The following RPGR variants were observed in gnomAD, a reference collection of about 807,000 sequenced individuals.
The protein encoded by RPGR is X-linked retinitis pigmentosa GTPase regulator.
A neutral mutation model predicts 56.3 loss-of-function variants in RPGR; 10 were observed. The ratio of observed to expected loss-of-function variants is 0.18; its 90% CI spans 0.11 to 0.30. The LOEUF is 0.30. Among genes scored for constraint, RPGR ranks in the 10% least tolerant of loss-of-function variants. The pLI is 1.00. For missense variants in RPGR, 538 were observed against 590.9 expected (o/e 0.91, Z 0.93); for synonymous variants, 197 against 212.9 (o/e 0.93, Z 0.65).
chrX:38,306,492 T>C (rs1213577724), intron 7 of RPGR, among the ~76,000 whole-genome samples: 1 of 112,435 alleles, frequency 8.9e-6, no homozygotes, highest in Non-Finnish European at 1.9e-5. Flanking sequence ...AATGTTTGCT[T>C]CATAAATAAG....
intron 8 of RPGR, chrX:38,303,874 T>C: frequency 3.4e-6 from 1 of 294,980 alleles, no homozygotes; most frequent in Non-Finnish European, 5.9e-6. Flanking sequence ...GTCAATACAC[T>C]AGATGATTTC....
rs1269822165 is a variant in RPGR at position 38,269,635 on chromosome X, T to C, written c.2439A>G (p.Thr813=). 2 of 1,169,544 alleles carry C rather than the reference T, an allele frequency of 1.7e-6. No individual in the cohort carries two copies. The highest frequency in any genetic ancestry group is 3.0e-5 in the East Asian group (1 of 33,626). The change falls in exon 19 of 19, where the codon ACA becomes ACG. Residue 813 remains threonine (T), a synonymous_variant. Coordinates refer to ENST00000642395, the MANE Select transcript of RPGR (RefSeq NM_000328.3). The stretch of plus-strand genomic sequence containing the variant: ...AAACATAAATATATATTTATAGTAT[T>C]GTACAGGATTTTGATCTTCTCTCTG...
intron 11 of RPGR, among the ~76,000 whole-genome samples, chrX:38,296,333 C>T (rs1448276985): frequency 2.7e-5 from 3 of 110,970 alleles, no homozygotes; most frequent in African/African-American, 9.8e-5. Flanking sequence ...AAATTATTTG[C>T]CATTTACTTT....
At chrX:38,296,942 A>G (rs751092154) in intron 11 of RPGR, among the ~76,000 whole-genome samples, 1 of 112,201 alleles carries the variant, frequency 8.9e-6, no homozygotes, top group Non-Finnish European at 1.9e-5. Flanking sequence ...TGATCTCTTC[A>G]AGCCTTGCTT....
At chrX:38,284,923 C>A in intron 15 of RPGR, 4 of 752,829 alleles carry the variant, frequency 5.3e-6, no homozygotes, top group Non-Finnish European at 6.3e-6. Flanking sequence ...CAGATAGTAA[C>A]TAAAAGAGAT....
intron 15 of RPGR, among the ~76,000 whole-genome samples, chrX:38,283,209 C>T (rs952834484): frequency 1.8e-5 from 2 of 111,648 alleles, no homozygotes; most frequent in African/African-American, 6.5e-5. Flanking sequence ...AGACCTGCCA[C>T]ATGTGATTAA....
chrX:38,307,894 T>C (rs1236027960), intron 7 of RPGR, among the ~76,000 whole-genome samples: 1 of 112,058 alleles, frequency 8.9e-6, no homozygotes, highest in Non-Finnish European at 1.9e-5. Flanking sequence ...ATGTTCCTTA[T>C]TTTATGATAT....
chrX:38,272,595 A>AC lies in RPGR; in HGVS notation c.2241+790_2241+791insG, dbSNP rs1167204343. 4.0e-4 allele frequency: 44 copies of AC among 110,830 alleles called. No homozygotes were observed. The Middle Eastern group carries it at 0.014, about 35-fold the overall frequency. The allele number at this position is 110,830 out of a possible 1,213,427, so 9.1% of individuals were successfully genotyped here. A position where few individuals can be genotyped will look rare whatever the true frequency, so the allele number is the denominator to read the frequency against. On this transcript the variant is annotated intron_variant, in intron 18 of 18. Transcript: ENST00000642395. ...CAACAAGAGCGAAACTCCATCTCAA[A>AC]AAAAAAAAAAAATCCATACTTAAGC...
intron 15 of RPGR, among the ~76,000 whole-genome samples, chrX:38,283,758 G>A (rs1312465826): frequency 2.7e-5 from 3 of 112,087 alleles, no homozygotes; most frequent in Admixed American, 9.5e-5. Flanking sequence ...CTCTTCAGTA[G>A]AAGATGAATG....
chrX:38,287,152 T>C lies in RPGR; in HGVS notation c.1847A>G (p.His616Arg), dbSNP rs184789544. The change falls in exon 15 of 19, where the codon CAT (histidine) becomes CGT (arginine). Residue 616 changes from histidine (H) to arginine (R), a missense_variant. Physicochemically the swap from His to Arg is conservative, Grantham distance 29. Coordinates refer to ENST00000642395, the MANE Select transcript of RPGR (RefSeq NM_000328.3). The stretch of plus-strand genomic sequence containing the variant: ...CTCTGTTTTCTCCTTTCTTCCTCCA[T>C]GCACCTTCACATTTTCCTCATTTGC... 3.3e-6 allele frequency: 4 copies of C among 1,209,216 alleles called. No homozygotes were observed. Among genetic ancestry groups the C allele is most frequent in the African/African-American group, 1.8e-5 (1 of 57,016 alleles).
At chrX:38,313,105 A>G (rs1202943785) in intron 6 of RPGR, among the ~76,000 whole-genome samples, 1 of 110,431 alleles carries the variant, frequency 9.1e-6, no homozygotes, top group East Asian at 2.8e-4. Flanking sequence ...ATCTCTGCAC[A>G]TGTTTTTGTC....
intron 16 of RPGR, chrX:38,275,245 G>GAAC: frequency 4.7e-6 from 3 of 640,485 alleles, no homozygotes; most frequent in Non-Finnish European, 7.6e-6. Flanking sequence ...TCTGCCTCTA[G>GAAC]CTAATGACAT....
chrX:38,295,319 C>T (rs1312604398), intron 11 of RPGR, among the ~76,000 whole-genome samples: 1 of 111,995 alleles, frequency 8.9e-6, no homozygotes, highest in African/African-American at 3.2e-5. Flanking sequence ...GATCCACTTT[C>T]CTCCATTATA....
rs2067220179 is a variant in RPGR at position 38,288,020 on chromosome X, G to A, written c.1594C>T (p.Leu532=). 2 of 1,209,315 alleles carry A rather than the reference G, an allele frequency of 1.7e-6. No homozygotes were observed. Among genetic ancestry groups the A allele is most frequent in the East Asian group, 5.9e-5 (2 of 33,850 alleles). Residue 532 remains leucine (L), a synonymous_variant, in exon 14 of 19, where the codon CTG becomes TTG. Coordinates refer to ENST00000642395, the MANE Select transcript of RPGR (RefSeq NM_000328.3). Reference sequence around the variant, plus strand: ...TCAGTAAGAGCTGTATCCTGCGTCAGTTCCCCAATTGTTTGTTGTTTCTGT... The same window carrying A: ...TCAGTAAGAGCTGTATCCTGCGTCAATTCCCCAATTGTTTGTTGTTTCTGT...
chrX:38,276,608 G>A lies in RPGR; in HGVS notation c.2070C>T (p.Ser690=). 1 of 1,210,875 alleles carries A rather than the reference G, an allele frequency of 8.3e-7. No homozygotes were observed. The change falls in exon 16 of 19, where the codon AGC becomes AGT. Residue 690 remains serine (S), a synonymous_variant. Coordinates refer to ENST00000642395, the MANE Select transcript of RPGR (RefSeq NM_000328.3). ...ATACCTTTTCAATAGTTTCAGCTGA[G>A]CTATCATCATTGGTTCTTTCTGCTC...
chrX:38,285,499 A>G (rs1329140279), intron 15 of RPGR: 1 of 1,210,591 alleles, frequency 8.3e-7, no homozygotes, highest in Admixed American at 2.2e-5. Flanking sequence ...AAGGCATTTA[A>G]ATTGTCTGAC....
chrX:38,294,857 TCTCCA>T (rs1485632814), intron 11 of RPGR, among the ~76,000 whole-genome samples: 1 of 111,831 alleles, frequency 8.9e-6, no homozygotes, highest in African/African-American at 3.3e-5. Flanking sequence ...CTTTTCTCCA[TCTCCA>T]CTGCAAACAC....
In RPGR at chrX:38,323,471, C is replaced by T. The variant is rs779957555; in HGVS notation, c.82G>A (p.Gly28Ser). 2 of 1,206,325 alleles carry T rather than the reference C, an allele frequency of 1.7e-6. No individual in the cohort carries two copies. The highest frequency in any genetic ancestry group is 2.2e-6 in the Non-Finnish European group (2 of 892,326). Reference sequence around the variant, plus strand: ...ACATCATTTTTAAACCAGAATTTACCGGGATTATTTTCAGCAAATTTACTT... The same window carrying T: ...ACATCATTTTTAAACCAGAATTTACTGGGATTATTTTCAGCAAATTTACTT... The change falls in exon 2 of 19, where the codon GGT becomes AGT. Residue 28 changes from glycine to serine, a missense_variant. Coordinates refer to ENST00000642395, the MANE Select transcript of RPGR (RefSeq NM_000328.3).
intron 6 of RPGR, among the ~76,000 whole-genome samples, chrX:38,314,018 A>T (rs1225599741): frequency 8.9e-6 from 1 of 111,780 alleles, no homozygotes; most frequent in African/African-American, 3.3e-5. Flanking sequence ...GTCTTTGGTC[A>T]CACATAAAAT....
Sources: allele counts gnomAD v4.1 joint callset (sites outside exome capture counted in the v4.1 genomes callset), GRCh38; gene constraint gnomAD v4.1.1; transcripts MANE v1.5; gene names NCBI Gene and HGNC (gene_info 2026-07-23, HGNC 2026-07-21).